LYST: variants seen among roughly 807,000 people sequenced by gnomAD.
LYST encodes the protein lysosomal trafficking regulator.
In LYST, 192 loss-of-function variants were observed where a neutral mutation model predicts 413.6. That is an observed-to-expected ratio of 0.46 (90% CI 0.41 to 0.52). The LOEUF (loss-of-function observed/expected upper bound fraction) is 0.52. Ranked by LOEUF, LYST falls within the 20% of genes least tolerant of loss-of-function variation. The pLI is 0.00. For missense variants in LYST, 3,815 were observed against 4,499.9 expected (o/e 0.85, Z 4.35); for synonymous variants, 1,525 against 1,567.3 (o/e 0.97, Z 0.64).
chr1:235,827,362 C>G (rs1319675599), intron 3 of LYST: 1 of 858,864 alleles, frequency 1.2e-6, no homozygotes, highest in Non-Finnish European at 1.4e-6. Context: ...AAGTGAGACT[C>G]TGTCTCAAAA....
intron 41 of LYST, 39 bp downstream of exon 41, chr1:235,716,673 T>C: frequency 7.4e-7 from 1 of 1,345,468 alleles, no homozygotes; most frequent in South Asian, 1.2e-5. Context: ...CAAAACACAA[T>C]TTTTCATTTA....
rs773449210 is a variant in LYST, at chr1:235,702,697, AAG to A, written c.10374+48_10374+49del. 2.7e-6 allele frequency: 4 copies of A among 1,465,972 alleles called. No homozygotes were observed. In the Admixed American group the frequency reaches 6.7e-5, roughly 25 times the overall value. The allele number at this position is 1,465,972 out of a possible 1,614,324, so 90.8% of individuals were successfully genotyped here. On this transcript the variant is annotated intron_variant, in intron 45 of 52. Transcript: ENST00000389793. ...CACCTGGGAGAGTGCCTGGCATCAC[AAG>A]AGTCTAATCAGGTTTTGCTGCACTC... is the stretch of plus-strand genomic sequence containing the variant.
At chr1:235,705,380 A>T (rs747260083) in intron 44 of LYST, among the ~76,000 whole-genome samples, 17 of 152,112 alleles carry the variant, frequency 1.1e-4, no homozygotes, top group Non-Finnish European at 2.5e-4. Context: ...CAGTCTTCAG[A>T]TACTTTTTTT....
chr1:235,782,639 C>T (rs576486207), intron 14 of LYST, among the ~76,000 whole-genome samples: 1 of 152,242 alleles, frequency 6.6e-6, no homozygotes, highest in Admixed American at 6.5e-5. Flanking sequence ...TGTGACTAAA[C>T]ATTTGCTGCA....
intron 50 of LYST, among the ~76,000 whole-genome samples, chr1:235,667,511 T>C (rs1250553216): frequency 2.0e-5 from 3 of 152,188 alleles, no homozygotes; most frequent in Middle Eastern, 3.2e-3. Flanking sequence ...GAGAAGATGT[T>C]ACACATACAG....
At chr1:235,713,160 T>A in intron 42 of LYST, 26 of 985,248 alleles carry the variant, frequency 2.6e-5, no homozygotes, top group Non-Finnish European at 3.1e-5. Flanking sequence ...TGGCATTGGC[T>A]GGCCACTAAA....
intron 34 of LYST, 30 bp downstream of exon 34, chr1:235,733,473 G>A (rs754981708): frequency 3.5e-5 from 56 of 1,590,296 alleles, no homozygotes; most frequent in Middle Eastern, 3.3e-4. Flanking sequence ...CTTCATGGAA[G>A]ACAATTTTAA....
intron 4 of LYST, among the ~76,000 whole-genome samples, chr1:235,811,312 T>C: frequency 6.6e-6 from 1 of 152,214 alleles, no homozygotes; most frequent in East Asian, 1.9e-4. Context: ...CTAATTAAAA[T>C]GTAAGGATGT....
rs1668539828 is a variant in LYST at position 235,770,285 on chromosome 1, C to T, written c.5797G>A (p.Glu1933Lys). 1 of 1,613,730 alleles carries T rather than the reference C, an allele frequency of 6.2e-7. No homozygotes were observed. Among genetic ancestry groups the T allele is most frequent in the African/African-American group, 1.3e-5 (1 of 75,002 alleles). Reference protein sequence around the residue: ...IWSKAEQGVWETLLAALEVLI... With the variant: ...IWSKAEQGVWKTLLAALEVLI... ...ACTTCTAGAGCTGCTAGCAAAGTTT[C>T]CCAAACACCTTGCTGAAGAGATAAA... is the stretch of plus-strand genomic sequence containing the variant. The change falls in exon 20 of 53, where the codon GAA becomes AAA. Residue 1933 changes from glutamate (E) to lysine (K), a missense_variant. This residue lies in a region of LYST where 530 missense variants were observed against 696.5 expected (regional missense o/e 0.76). Transcript: ENST00000389793.
intron 16 of LYST, among the ~76,000 whole-genome samples, 158 bp from the exon 17 acceptor site, chr1:235,777,466 A>T (rs1272488263): frequency 6.6e-6 from 1 of 152,224 alleles, no homozygotes; most frequent in Non-Finnish European, 1.5e-5. Flanking sequence ...CATTAGAAGC[A>T]AGGCTGTTTC....
chr1:235,742,562 ATTTT>A (rs1007788003), intron 30 of LYST, among the ~76,000 whole-genome samples: 4 of 137,830 alleles, frequency 2.9e-5, no homozygotes, highest in African/African-American at 1.2e-4. Flanking sequence ...AAAATGGTAA[ATTTT>A]ATGTTATATA....
chr1:235,725,905 T>G (rs1289840028), intron 38 of LYST, among the ~76,000 whole-genome samples: 1 of 152,164 alleles, frequency 6.6e-6, no homozygotes, highest in Non-Finnish European at 1.5e-5. Flanking sequence ...CCACAGGGCC[T>G]ACACATCCTA....
chr1:235,695,799 A>AT lies in LYST; in HGVS notation c.10564+1283dup, dbSNP rs1183109154. On this transcript the variant is annotated intron_variant, in intron 46 of 52. Coordinates refer to ENST00000389793, the MANE Select transcript of LYST (RefSeq NM_000081.4). The stretch of plus-strand genomic sequence containing the variant: ...AGGAGCCCGCCACCACGCCCGGCTA[A>AT]TTTTTTTTTGTATTTTTAGTAGAGA... Among the ~76,000 whole-genome samples the AT allele has an allele frequency of 1.8e-4, 27 of 150,324 alleles. No individual in the cohort carries two copies. The East Asian group carries it at 4.5e-3, about 25-fold the overall frequency.
intron 3 of LYST, chr1:235,827,544 GAT>G: frequency 1.0e-6 from 1 of 979,104 alleles, no homozygotes; most frequent in South Asian, 4.7e-5. Flanking sequence ...CATCTTAAAT[GAT>G]AAAATATCAT....
chr1:235,800,769 A>G (rs1672128945), intron 9 of LYST, 102 bp downstream of exon 9: 2 of 796,964 alleles, frequency 2.5e-6, no homozygotes, highest in Non-Finnish European at 2.1e-6. Context: ...ATAAGTAATC[A>G]TCTCAAATAA....
At chr1:235,775,572 A>G (rs1669150542) in intron 17 of LYST, among the ~76,000 whole-genome samples, 1 of 152,208 alleles carries the variant, frequency 6.6e-6, no homozygotes, top group African/African-American at 2.4e-5. Context: ...AGAAACACAC[A>G]CTTATTATCA....
At chr1:235,754,005 G>T (rs966163463) in intron 25 of LYST, among the ~76,000 whole-genome samples, 1 of 151,942 alleles carries the variant, frequency 6.6e-6, no homozygotes, top group Non-Finnish European at 1.5e-5. Context: ...CAAACTTTTG[G>T]TTTGGGAGAA....
intron 22 of LYST, among the ~76,000 whole-genome samples, chr1:235,761,776 AAAAAAAAAC>A (rs1667612979): frequency 6.7e-6 from 1 of 148,856 alleles, no homozygotes; most frequent in African/African-American, 2.5e-5. Context: ...AAAAAAAAAC[AAAAAAAAAC>A]CAGAAAGATG....
intron 8 of LYST, among the ~76,000 whole-genome samples, chr1:235,802,205 A>C (rs866104796): frequency 6.7e-6 from 1 of 150,080 alleles, no homozygotes; most frequent in Non-Finnish European, 1.5e-5. Context: ...AAAAAAAAAA[A>C]AAAAAAAAAA....
Sources: gnomAD v4.1 joint callset for allele counts (sites outside exome capture counted in the v4.1 genomes callset) on GRCh38, gnomAD v4.1.1 for gene constraint, gnomAD v4.1.1 regional missense constraint, MANE v1.5 for transcripts, NCBI Gene and HGNC (gene_info 2026-07-23, HGNC 2026-07-21) for gene names.